Variants in TDRD3 observed in about 807,000 individuals in gnomAD.
TDRD3 encodes the protein tudor domain containing 3.
Under a neutral mutation model 86.7 loss-of-function variants are expected in TDRD3, and 45 were observed. That is an observed-to-expected ratio of 0.52 (90% CI 0.41 to 0.67). TDRD3 has a LOEUF of 0.67. Among genes scored for constraint, TDRD3 ranks in the 30% least tolerant of loss-of-function variants. The pLI, the probability that TDRD3 is intolerant of heterozygous loss-of-function variation, is 0.00. For synonymous variants in TDRD3, 298 were observed against 301.7 expected, an observed-to-expected ratio of 0.99 and a Z score of 0.13; for missense variants, 814 against 889.0, an observed-to-expected ratio of 0.92 and a Z score of 1.07.
At chr13:60,515,531 T>A (rs764188548) in intron 10 of TDRD3, among the ~76,000 whole-genome samples, 17 of 152,220 alleles carry the variant, frequency 1.1e-4, no homozygotes, top group Non-Finnish European at 2.2e-4. Flanking sequence ...TATATTCTCT[T>A]GGTTCTGTCT....
chr13:60,439,918 G>C (rs141228321), intron 2 of TDRD3, 146 bp downstream of exon 2: 3 of 530,376 alleles, frequency 5.7e-6, no homozygotes, highest in Non-Finnish European at 9.7e-6. Flanking sequence ...GATGATGTTT[G>C]TTGAATTTAA....
chr13:60,429,729 T>C (rs4886229), intron 1 of TDRD3, among the ~76,000 whole-genome samples: 72,521 of 151,982 alleles, frequency 0.48, 17,754 homozygotes, highest in South Asian at 0.55. Context: ...AATATGTAGT[T>C]AGGCTTACCA....
chr13:60,416,865 C>T (rs1227319920), intron 1 of TDRD3, among the ~76,000 whole-genome samples: 1 of 152,090 alleles, frequency 6.6e-6, no homozygotes, highest in African/African-American at 2.4e-5. Flanking sequence ...TGTTCTTGTT[C>T]TCTTCATTCC....
chr13:60,480,127 G>A (rs1021536684), intron 5 of TDRD3, among the ~76,000 whole-genome samples: 11 of 152,120 alleles, frequency 7.2e-5, no homozygotes, highest in African/African-American at 2.4e-4. Flanking sequence ...GTGATGACAG[G>A]TATCATTTCT....
At chr13:60,436,632 GT>G (rs1375992873) in intron 1 of TDRD3, among the ~76,000 whole-genome samples, 3 of 151,992 alleles carry the variant, frequency 2.0e-5, no homozygotes, top group Non-Finnish European at 4.4e-5. Context: ...GTATCATTGC[GT>G]ATTTTTATAC....
intron 5 of TDRD3, among the ~76,000 whole-genome samples, chr13:60,475,079 T>G (rs1228043197): frequency 1.3e-5 from 2 of 152,130 alleles, no homozygotes; most frequent in Non-Finnish European, 2.9e-5. Flanking sequence ...TCTTTTCCTT[T>G]TTTTTTTCTT....
chr13:60,397,432 G>C (rs1227109401), intron 1 of TDRD3, 27 bp downstream of exon 1: 2 of 1,479,576 alleles, frequency 1.4e-6, no homozygotes, highest in Non-Finnish European at 1.8e-6. Context: ...GCCGGCTGCC[G>C]GGCCGCGGGT....
At chr13:60,506,960 A>G (rs764551155) in intron 8 of TDRD3, among the ~76,000 whole-genome samples, 2 of 152,158 alleles carry the variant, frequency 1.3e-5, no homozygotes, top group Admixed American at 6.5e-5. Context: ...CAGGAGACCC[A>G]TCTCACGTGC....
At chr13:60,507,767 G>A (rs1956970592) in intron 8 of TDRD3, among the ~76,000 whole-genome samples, 2 of 152,182 alleles carry the variant, frequency 1.3e-5, no homozygotes, top group Non-Finnish European at 2.9e-5. Context: ...TGGATGTTCT[G>A]GCCAGGGCAT....
chr13:60,521,390 A>G (rs1262338556), intron 10 of TDRD3, among the ~76,000 whole-genome samples: 3 of 152,130 alleles, frequency 2.0e-5, no homozygotes, highest in African/African-American at 7.2e-5. Context: ...CACTGGAGAA[A>G]ACAATGCTGA....
intron 8 of TDRD3, 65 bp from the exon 9 acceptor site, chr13:60,509,698 G>T (rs1257929345): frequency 6.3e-7 from 1 of 1,593,722 alleles, no homozygotes. Context: ...ACAGTAAGTA[G>T]TTAAAAGTTT....
chr13:60,465,026 A>G (rs2138072116), intron 4 of TDRD3, among the ~76,000 whole-genome samples: 2 of 152,344 alleles, frequency 1.3e-5, no homozygotes, highest in Admixed American at 1.3e-4. Flanking sequence ...TACACATTGT[A>G]TATATGTGTC....
At chr13:60,555,735 C>G (rs900469737) in intron 12 of TDRD3, among the ~76,000 whole-genome samples, 1 of 151,876 alleles carries the variant, frequency 6.6e-6, no homozygotes, top group African/African-American at 2.4e-5. Context: ...AATCTTAGTT[C>G]TCACAAACTA....
chr13:60,395,745 G>A (rs1189677315), upstream of TDRD3, among the ~76,000 whole-genome samples: 1 of 152,122 alleles, frequency 6.6e-6, no homozygotes, highest in African/African-American at 2.4e-5. Flanking sequence ...TTATTTTTGA[G>A]TCATCTATTT....
chr13:60,494,595 C>G lies in TDRD3; in HGVS notation c.858+20C>G. On this transcript the variant is annotated intron_variant, in intron 8 of 13. Coordinates refer to ENST00000377881, the MANE Select transcript of TDRD3 (RefSeq NM_001146070.2). The stretch of plus-strand genomic sequence containing the variant: ...GAACTGGTAAGGCTAAAGAACTAAC[C>G]ACAAATTTAAAGTGTTATTTCTTAA... The G allele has an allele frequency of 6.3e-7, 1 of 1,599,850 alleles. No homozygotes were observed.
At chr13:60,477,577 A>G (rs1956213396) in intron 5 of TDRD3, among the ~76,000 whole-genome samples, 1 of 152,140 alleles carries the variant, frequency 6.6e-6, no homozygotes, top group African/African-American at 2.4e-5. Context: ...AGTTTTTAAT[A>G]TGAAGGAATG....
In TDRD3 at chr13:60,490,409, G is replaced by A. The variant is rs983831019; in HGVS notation, c.718-4026G>A. 1.7e-4 allele frequency among the ~76,000 whole-genome samples: 26 copies of A among 152,128 alleles called. 1 individual carries two copies. The highest frequency in any genetic ancestry group is 5.9e-4 in the Admixed American group (9 of 15,268). On this transcript the variant is annotated intron_variant, in intron 7 of 13. Coordinates refer to ENST00000377881, the MANE Select transcript of TDRD3 (RefSeq NM_001146070.2). Reference sequence around the variant, plus strand: ...TAAAGCAGGAGCACAGAGAAACAGCGGAGTGGCCAGTGGAAGCAGAGAGAA... The same window carrying A: ...TAAAGCAGGAGCACAGAGAAACAGCAGAGTGGCCAGTGGAAGCAGAGAGAA...
intron 10 of TDRD3, among the ~76,000 whole-genome samples, chr13:60,523,665 C>T (rs1281311216): frequency 1.3e-5 from 2 of 150,854 alleles, no homozygotes; most frequent in Non-Finnish European, 2.9e-5. Flanking sequence ...CAGCCTCCAC[C>T]TCCCAGGTTC....
intron 2 of TDRD3, among the ~76,000 whole-genome samples, chr13:60,441,584 A>C (rs1955274873): frequency 6.6e-6 from 1 of 152,202 alleles, no homozygotes; most frequent in African/African-American, 2.4e-5. Flanking sequence ...AGGCATTTGT[A>C]GTATTCTGTT....
Sources: allele counts gnomAD v4.1 joint callset (sites outside exome capture counted in the v4.1 genomes callset), GRCh38; gene constraint gnomAD v4.1.1; transcripts MANE v1.5; gene names NCBI Gene and HGNC (gene_info 2026-07-23, HGNC 2026-07-21).